The following RASSF5 variants were observed in gnomAD, a reference collection of about 807,000 sequenced individuals.
RASSF5 encodes Ras association domain family member 5, also known as ras association domain-containing protein 5.
In RASSF5, 25 loss-of-function variants were observed where a neutral mutation model predicts 40.5. The observed-to-expected ratio is 0.62, with a 90% CI of 0.45 to 0.86. The LOEUF is 0.86. Among genes scored for constraint, RASSF5 ranks in the 40% least tolerant of loss-of-function variants. The probability of loss-of-function intolerance (pLI) is 0.00; values close to 1 mark genes in which losing one functional copy is unlikely to be tolerated. For synonymous variants in RASSF5, 246 were observed against 252.4 expected (o/e 0.97, Z 0.24); for missense variants, 521 against 572.8 (o/e 0.91, Z 0.92).
In RASSF5 at chr1:206,512,198, C is replaced by G. The variant is rs569957883; in HGVS notation, c.457+4139C>G. Among the ~76,000 whole-genome samples, 27 of 152,224 alleles carry G rather than the reference C, an allele frequency of 1.8e-4. 1 individual carries two copies. The highest frequency in any genetic ancestry group is 2.8e-4 in the Non-Finnish European group (19 of 68,010). On this transcript the variant is annotated intron_variant, in intron 1 of 5. Coordinates refer to ENST00000579436, the MANE Select transcript of RASSF5 (RefSeq NM_182663.4). Reference sequence around the variant, plus strand: ...AGCCCTCTCCTACCCCTGGCTCTAACTGGGATCTTCTTCTTGGGCAAGGTC... The same window carrying G: ...AGCCCTCTCCTACCCCTGGCTCTAAGTGGGATCTTCTTCTTGGGCAAGGTC...
chr1:206,528,363 C>A (rs1667150573), intron 1 of RASSF5, among the ~76,000 whole-genome samples: 1 of 152,018 alleles, frequency 6.6e-6, no homozygotes, highest in South Asian at 2.1e-4. Context: ...AAAGATAAAT[C>A]TATGGAAACA....
chr1:206,512,618 C>T (rs1043130359), intron 1 of RASSF5, among the ~76,000 whole-genome samples: 3 of 152,122 alleles, frequency 2.0e-5, no homozygotes, highest in East Asian at 3.9e-4. Context: ...ATTCTACCGG[C>T]GAGCCAGCCT....
chr1:206,521,932 G>A lies in RASSF5; in HGVS notation c.457+13873G>A, dbSNP rs567149743. Among the ~76,000 whole-genome samples the A allele has an allele frequency of 1.3e-3, 197 of 152,338 alleles. 1 individual carries two copies. The highest frequency in any genetic ancestry group is 2.5e-3 in the South Asian group (12 of 4,834). On this transcript the variant is annotated intron_variant, in intron 1 of 5. Transcript: ENST00000579436. ...GCCCCTCCTGAGCAGGCCTGGGGCC[G>A]AGAGGGTATCTGGCAGCTCCACACT...
chr1:206,579,087 A>G lies in RASSF5; in HGVS notation c.580-4182A>G, dbSNP rs1232571301. On this transcript the variant is annotated intron_variant, in intron 2 of 5. Transcript: ENST00000579436. This position sits in a 1 kb window ranked among gnomAD's most constrained non-coding sequence, Gnocchi z 4.2. ...AGCCTCTTTACATGGCTGTTCCCCA[A>G]TCACCTCCAGAGCTAAAAGAAGACA... Among the ~76,000 whole-genome samples, 2 of 152,058 alleles carry G rather than the reference A, an allele frequency of 1.3e-5. No homozygotes were observed. Among genetic ancestry groups the G allele is most frequent in the Non-Finnish European group, 2.9e-5 (2 of 67,996 alleles).
intron 1 of RASSF5, among the ~76,000 whole-genome samples, chr1:206,523,862 T>C (rs1489821081): frequency 9.1e-6 from 1 of 109,966 alleles, no homozygotes; most frequent in East Asian, 2.3e-4. Flanking sequence ...CAATATATTT[T>C]ATATATTATA....
intron 2 of RASSF5, among the ~76,000 whole-genome samples, chr1:206,562,539 A>G (rs989934410): frequency 2.6e-5 from 4 of 152,146 alleles, no homozygotes; most frequent in Non-Finnish European, 4.4e-5. Context: ...CGTGGGATTC[A>G]CTGCCCGCTG....
At chr1:206,566,816 C>T (rs1668302076) in intron 2 of RASSF5, among the ~76,000 whole-genome samples, 1 of 152,192 alleles carries the variant, frequency 6.6e-6, no homozygotes, top group African/African-American at 2.4e-5. Context: ...TCTCCTATCT[C>T]TCCTTTCAAT....
chr1:206,524,174 T>G (rs1453879943), intron 1 of RASSF5, among the ~76,000 whole-genome samples: 1 of 136,248 alleles, frequency 7.3e-6, no homozygotes, highest in Non-Finnish European at 1.5e-5. Context: ...ATATGTAATA[T>G]ACTTTATATA....
intron 1 of RASSF5, among the ~76,000 whole-genome samples, chr1:206,537,299 T>TC (rs1169668541): frequency 2.0e-5 from 3 of 152,144 alleles, no homozygotes; most frequent in African/African-American, 7.2e-5. Flanking sequence ...GGAATGTGCT[T>TC]CCCCCGCTGA....
intron 1 of RASSF5, among the ~76,000 whole-genome samples, chr1:206,508,291 C>T (rs1452682332): frequency 6.6e-6 from 1 of 151,902 alleles, no homozygotes; most frequent in Admixed American, 6.5e-5. Flanking sequence ...TAACAGATAC[C>T]TGTCTCCTGA....
In RASSF5 at chr1:206,560,919, C is replaced by T. The variant is rs1448603152; in HGVS notation, c.580-22350C>T. On this transcript the variant is annotated intron_variant, in intron 2 of 5. Coordinates refer to ENST00000579436, the MANE Select transcript of RASSF5 (RefSeq NM_182663.4). This position sits in a 1 kb window ranked among gnomAD's most constrained non-coding sequence, Gnocchi z 5.1. ...GCCAGGCCAGGCCCTCTGTCCATCC[C>T]TCATATTTGTTCATTTTTTTCCTAT... Among the ~76,000 whole-genome samples, 3 of 152,220 alleles carry T rather than the reference C, an allele frequency of 2.0e-5. No homozygotes were observed. Among genetic ancestry groups the T allele is most frequent in the Non-Finnish European group, 4.4e-5 (3 of 68,034 alleles).
intron 3 of RASSF5, chr1:206,583,625 CCT>C: frequency 2.1e-6 from 1 of 481,078 alleles, no homozygotes. Context: ...TTTAACTCCT[CCT>C]CTGAGCTTCA....
At chr1:206,523,176 C>T (rs1666951709) in intron 1 of RASSF5, among the ~76,000 whole-genome samples, 1 of 150,650 alleles carries the variant, frequency 6.6e-6, no homozygotes, top group African/African-American at 2.4e-5. Context: ...TGGTGGCGGG[C>T]ACCTGTAGTC....
rs1553406997 is a variant in RASSF5, at chr1:206,584,346, GCGGA to G, written c.691-37_691-34del. 1 of 1,567,594 alleles carries G rather than the reference GCGGA, an allele frequency of 6.4e-7. No homozygotes were observed. The highest frequency in any genetic ancestry group is 1.2e-5 in the South Asian group (1 of 82,900). ...CGAGTGGCAGATATGATCATGCAAG[GCGGA>G]CGGCCCTGACCCCCTGTGACATGCC... On this transcript the variant is annotated intron_variant, in intron 3 of 5. Coordinates refer to ENST00000579436, the MANE Select transcript of RASSF5 (RefSeq NM_182663.4). The surrounding 1 kb of genome is among the most constrained non-coding windows in gnomAD (Gnocchi z 4.9).
In RASSF5 at chr1:206,584,027, T is replaced by G. The variant is rs1257040750; in HGVS notation, c.691-360T>G. ...CAAGGCCCTCATTATAGAGCCTTCC[T>G]GCTTCCTGCCTGGTTCAGAGGTACA... On this transcript the variant is annotated intron_variant, in intron 3 of 5. Coordinates refer to ENST00000579436, the MANE Select transcript of RASSF5 (RefSeq NM_182663.4). The surrounding 1 kb of genome is among the most constrained non-coding windows in gnomAD (Gnocchi z 4.9). 6.6e-6 allele frequency among the ~76,000 whole-genome samples: 1 copy of G among 152,224 alleles called. No individual in the cohort carries two copies. The highest frequency in any genetic ancestry group is 1.5e-5 in the Non-Finnish European group (1 of 68,034).
intron 2 of RASSF5, among the ~76,000 whole-genome samples, chr1:206,569,431 C>T (rs7555669): frequency 0.58 from 87,490 of 151,922 alleles, 25,495 homozygotes; most frequent in Middle Eastern, 0.67. Flanking sequence ...GAAGACATGG[C>T]AAATGTTTCT....
At chr1:206,577,565 G>A (rs1462013455) in intron 2 of RASSF5, among the ~76,000 whole-genome samples, 1 of 152,200 alleles carries the variant, frequency 6.6e-6, no homozygotes, top group Non-Finnish European at 1.5e-5. Context: ...AGTTAGTCAT[G>A]GGAGTCAGAA....
At chr1:206,561,557 A>T (rs1309310565) in intron 2 of RASSF5, among the ~76,000 whole-genome samples, 1 of 152,114 alleles carries the variant, frequency 6.6e-6, no homozygotes, top group African/African-American at 2.4e-5. Flanking sequence ...ATGTTAATAG[A>T]TAAACCTCTA....
intron 2 of RASSF5, chr1:206,544,173 GGACAAGCCTCTTA>G (rs1183010935): frequency 2.6e-5 from 4 of 152,286 alleles, no homozygotes; most frequent in African/African-American, 9.6e-5. Flanking sequence ...ATATGAGCCA[GGACAAGCCTCTTA>G]GTTTCTTTGA....
Sources: gnomAD v4.1 joint callset for allele counts (sites outside exome capture counted in the v4.1 genomes callset) on GRCh38, gnomAD v4.1.1 for gene constraint, Gnocchi (gnomAD v3.1) non-coding constraint, MANE v1.5 for transcripts, NCBI Gene and HGNC (gene_info 2026-07-23, HGNC 2026-07-21) for gene names.